The following EPHB2 variants were observed in gnomAD, a reference collection of about 807,000 sequenced individuals.
EPHB2 encodes ephrin type-B receptor 2.
In EPHB2, 18 loss-of-function variants were observed where a neutral mutation model predicts 96.4. That is an observed-to-expected ratio of 0.19 (90% CI 0.13 to 0.28). The LOEUF (loss-of-function observed/expected upper bound fraction) is 0.28. Among genes scored for constraint, EPHB2 ranks in the 10% least tolerant of loss-of-function variants. EPHB2 has a pLI of 1.00. For synonymous variants in EPHB2, 506 were observed against 534.1 expected, an observed-to-expected ratio of 0.95 and a Z score of 0.72; for missense variants, 989 against 1,355.4, an observed-to-expected ratio of 0.73 and a Z score of 4.25.
intron 3 of EPHB2, among the ~76,000 whole-genome samples, chr1:22,791,173 C>T (rs1293465412): frequency 6.6e-6 from 1 of 151,942 alleles, no homozygotes; most frequent in East Asian, 1.9e-4. Flanking sequence ...CTGTCTTTGC[C>T]TGTGAACTTT....
At chr1:22,744,504 G>A (rs181892511) in intron 1 of EPHB2, among the ~76,000 whole-genome samples, 320 of 148,548 alleles carry the variant, frequency 2.2e-3, no homozygotes, top group Non-Finnish European at 3.7e-3. Flanking sequence ...AATAAAGTAA[G>A]CTAGAGAAAA....
At chr1:22,856,157 A>AT (rs1414591481) in intron 3 of EPHB2, among the ~76,000 whole-genome samples, 2 of 151,984 alleles carry the variant, frequency 1.3e-5, no homozygotes, top group African/African-American at 4.8e-5. Flanking sequence ...CTGGGAGGAG[A>AT]GGGGGGAGCA....
intron 2 of EPHB2, among the ~76,000 whole-genome samples, chr1:22,783,925 C>T (rs1045659129): frequency 1.3e-5 from 2 of 152,142 alleles, no homozygotes; most frequent in Admixed American, 1.3e-4. Context: ...GACTGTCTTC[C>T]TCCATCAGAC....
chr1:22,730,632 C>T (rs1643687744), intron 1 of EPHB2, among the ~76,000 whole-genome samples: 1 of 150,266 alleles, frequency 6.7e-6, no homozygotes, highest in African/African-American at 2.5e-5. Flanking sequence ...AGAGGGGGTT[C>T]AGGGATATCT....
At chr1:22,891,114 A>G in intron 6 of EPHB2, 2 of 456,046 alleles carry the variant, frequency 4.4e-6, no homozygotes, top group Non-Finnish European at 8.8e-6. Flanking sequence ...TACTGTTACT[A>G]TCCCCCTTTT....
intron 3 of EPHB2, among the ~76,000 whole-genome samples, chr1:22,823,224 C>A (rs180789885): frequency 7.9e-5 from 12 of 152,236 alleles, no homozygotes; most frequent in African/African-American, 2.7e-4. Flanking sequence ...CGAAACACAA[C>A]GTGCAAATGG....
chr1:22,865,213 G>T lies in EPHB2; in HGVS notation c.1303+1G>T. ...GTGAACATCACCACCAACCAGGCAGGTAAGTGCTTCCGACGTGGGCCAGGG... is the reference window on the plus strand; with the variant it reads ...GTGAACATCACCACCAACCAGGCAGTTAAGTGCTTCCGACGTGGGCCAGGG... On this transcript the variant is annotated splice_donor_variant, in intron 5 of 15. Transcript: ENST00000374630. LOFTEE classifies it high-confidence loss of function. 1 of 1,614,236 alleles carries T rather than the reference G, an allele frequency of 6.2e-7. No homozygotes were observed. Among genetic ancestry groups the T allele is most frequent in the Non-Finnish European group, 8.5e-7 (1 of 1,180,048 alleles).
intron 3 of EPHB2, among the ~76,000 whole-genome samples, chr1:22,810,601 C>G (rs994887064): frequency 2.6e-5 from 4 of 152,226 alleles, no homozygotes; most frequent in Non-Finnish European, 5.9e-5. Flanking sequence ...ATCCCCACCT[C>G]TTGGGAGTTT....
intron 1 of EPHB2, among the ~76,000 whole-genome samples, chr1:22,721,641 G>A (rs1249351378): frequency 2.6e-5 from 4 of 152,060 alleles, no homozygotes; most frequent in Non-Finnish European, 4.4e-5. Context: ...TTCTTAGACA[G>A]GGTCTCACTC....
chr1:22,848,551 C>CT (rs939069321), intron 3 of EPHB2, among the ~76,000 whole-genome samples: 3 of 152,190 alleles, frequency 2.0e-5, no homozygotes, highest in Non-Finnish European at 4.4e-5. Context: ...ACCCCCAGGT[C>CT]TTTTTCACTG....
intron 3 of EPHB2, among the ~76,000 whole-genome samples, chr1:22,793,353 C>G (rs1450508346): frequency 6.6e-6 from 1 of 152,102 alleles, no homozygotes; most frequent in Non-Finnish European, 1.5e-5. Context: ...GGAGAGAGCT[C>G]TATCCATAAC....
intron 9 of EPHB2, 26 bp downstream of exon 9, chr1:22,896,504 A>C: frequency 6.2e-7 from 1 of 1,613,986 alleles, no homozygotes; most frequent in Middle Eastern, 1.6e-4. Context: ...AGCGGGCTGG[A>C]ACCCTTGGGC....
intron 6 of EPHB2, among the ~76,000 whole-genome samples, chr1:22,886,560 T>C (rs1392101735): frequency 6.7e-6 from 1 of 150,062 alleles, no homozygotes; most frequent in African/African-American, 2.5e-5. Flanking sequence ...AAGTGAGAAA[T>C]GATGGTAGGT....
At chr1:22,724,836 A>G (rs1239172926) in intron 1 of EPHB2, among the ~76,000 whole-genome samples, 1 of 152,088 alleles carries the variant, frequency 6.6e-6, no homozygotes, top group Non-Finnish European at 1.5e-5. Flanking sequence ...ACAGCTAACC[A>G]AGTAGTTTTG....
At chr1:22,894,119 C>T (rs760121214) in intron 7 of EPHB2, among the ~76,000 whole-genome samples, 1 of 152,230 alleles carries the variant, frequency 6.6e-6, no homozygotes, top group Non-Finnish European at 1.5e-5. Context: ...TTTCACCTCT[C>T]TAAGCCTTTT....
chr1:22,819,569 C>A (rs992594052), intron 3 of EPHB2, among the ~76,000 whole-genome samples: 3 of 152,180 alleles, frequency 2.0e-5, no homozygotes, highest in Non-Finnish European at 4.4e-5. Context: ...TCAACCCCAG[C>A]TGGCTGCCCT....
intron 1 of EPHB2, among the ~76,000 whole-genome samples, chr1:22,780,871 G>T (rs1026142373): frequency 2.6e-5 from 4 of 152,040 alleles, no homozygotes; most frequent in African/African-American, 7.2e-5. Flanking sequence ...GGGGCCTAGA[G>T]GAGTGGCATC....
chr1:22,743,689 T>C (rs1321135722), intron 1 of EPHB2, among the ~76,000 whole-genome samples: 1 of 152,150 alleles, frequency 6.6e-6, no homozygotes, highest in Non-Finnish European at 1.5e-5. Flanking sequence ...GCCAGGCTGG[T>C]CTCAAACTCC....
chr1:22,874,687 G>T (rs1638781650), intron 5 of EPHB2, among the ~76,000 whole-genome samples: 1 of 152,182 alleles, frequency 6.6e-6, no homozygotes, highest in South Asian at 2.1e-4. Context: ...CTGGCACTGG[G>T]CAGGCTCTGC....
Sources: gnomAD v4.1 joint callset for allele counts (sites outside exome capture counted in the v4.1 genomes callset) on GRCh38, gnomAD v4.1.1 for gene constraint, MANE v1.5 for transcripts, NCBI Gene and HGNC (gene_info 2026-07-23, HGNC 2026-07-21) for gene names.